Variants in HOMER1 observed in about 807,000 individuals in gnomAD.
HOMER1 encodes the protein homer protein homolog 1.
A neutral mutation model predicts 48.9 loss-of-function variants in HOMER1; 3 were observed. The ratio of observed to expected loss-of-function variants is 0.06; its 90% confidence interval spans 0.03 to 0.16. HOMER1 has a LOEUF of 0.16. Among genes scored for constraint, HOMER1 ranks in the 10% least tolerant of loss-of-function variants. The pLI is 1.00. For missense variants in HOMER1, 247 were observed against 411.4 expected, an observed-to-expected ratio of 0.60 and a Z score of 3.46; for synonymous variants, 134 against 146.4, an observed-to-expected ratio of 0.92 and a Z score of 0.61.
chr5:79,473,806 G>A (rs903813530), intron 1 of HOMER1, among the ~76,000 whole-genome samples: 1 of 152,098 alleles, frequency 6.6e-6, no homozygotes, highest in East Asian at 1.9e-4. Context: ...CCACATCATG[G>A]CAATAATTTT....
At chr5:79,510,492 G>A in intron 1 of HOMER1, 1 of 706,790 alleles carries the variant, frequency 1.4e-6, no homozygotes, top group South Asian at 1.4e-5. Flanking sequence ...CACAGAAATG[G>A]TATCAAGAAA....
At chr5:79,400,742 CT>C (rs1364348232) in intron 6 of HOMER1, among the ~76,000 whole-genome samples, 144 of 123,766 alleles carry the variant, frequency 1.2e-3, no homozygotes, top group African/African-American at 2.4e-3. Context: ...AAAACTTCTT[CT>C]TTTTTTTTTT....
At chr5:79,454,682 C>T (rs1751120704) in intron 2 of HOMER1, among the ~76,000 whole-genome samples, 1 of 152,006 alleles carries the variant, frequency 6.6e-6, no homozygotes, top group Admixed American at 6.6e-5. Context: ...GTGCAAATAG[C>T]GCTTAGGGTC....
intron 5 of HOMER1, among the ~76,000 whole-genome samples, chr5:79,415,801 C>G (rs1749928504): frequency 6.6e-6 from 1 of 152,162 alleles, no homozygotes; most frequent in Admixed American, 6.5e-5. Context: ...TATTAAGAAT[C>G]AATTGCTGTA....
intron 1 of HOMER1, among the ~76,000 whole-genome samples, chr5:79,465,883 G>C (rs1751451536): frequency 6.6e-6 from 1 of 152,064 alleles, no homozygotes; most frequent in Non-Finnish European, 1.5e-5. Flanking sequence ...GTGAGCTACT[G>C]TTTACATTTC....
At chr5:79,433,650 GTA>G (rs1318460597) in intron 5 of HOMER1, among the ~76,000 whole-genome samples, 1 of 152,060 alleles carries the variant, frequency 6.6e-6, no homozygotes, top group Non-Finnish European at 1.5e-5. Context: ...TAAAAATTTT[GTA>G]TTTATTTTGG....
intron 5 of HOMER1, among the ~76,000 whole-genome samples, chr5:79,418,807 A>G (rs1203554415): frequency 6.6e-6 from 1 of 152,210 alleles, no homozygotes; most frequent in African/African-American, 2.4e-5. Flanking sequence ...CACATGTGCT[A>G]TTCCTTTGCT....
intron 8 of HOMER1, among the ~76,000 whole-genome samples, chr5:79,379,539 A>G (rs1168694405): frequency 1.4e-5 from 2 of 142,232 alleles, no homozygotes; most frequent in African/African-American, 2.6e-5. Context: ...TTATATACAT[A>G]TATTCTGACA....
intron 5 of HOMER1, among the ~76,000 whole-genome samples, chr5:79,427,320 T>G (rs1291757098): frequency 6.6e-6 from 1 of 152,212 alleles, no homozygotes; most frequent in Non-Finnish European, 1.5e-5. Flanking sequence ...TTATTCGTAT[T>G]TAATAAGAAC....
intron 1 of HOMER1, among the ~76,000 whole-genome samples, chr5:79,467,873 C>G (rs917748986): frequency 6.6e-6 from 1 of 152,146 alleles, no homozygotes; most frequent in Non-Finnish European, 1.5e-5. Flanking sequence ...ACCTCTCAGG[C>G]TCAAGCGATC....
At chr5:79,431,274 G>C (rs1260306262) in intron 5 of HOMER1, among the ~76,000 whole-genome samples, 2 of 152,168 alleles carry the variant, frequency 1.3e-5, no homozygotes, top group East Asian at 3.8e-4. Context: ...AGTGAGCCAA[G>C]ATTGCACCAC....
intron 1 of HOMER1, among the ~76,000 whole-genome samples, chr5:79,477,653 G>C (rs1751821300): frequency 6.6e-6 from 1 of 152,224 alleles, no homozygotes; most frequent in African/African-American, 2.4e-5. Flanking sequence ...TTCATGTTTG[G>C]ACAAGAGTCT....
intron 5 of HOMER1, among the ~76,000 whole-genome samples, chr5:79,433,760 T>C (rs1486733012): frequency 6.6e-6 from 1 of 152,204 alleles, no homozygotes; most frequent in African/African-American, 2.4e-5. Flanking sequence ...GTCATAGTTT[T>C]AGAGTGTTTC....
chr5:79,471,551 GAAAAAAAAA>G (rs55724615), intron 1 of HOMER1, among the ~76,000 whole-genome samples: 104 of 97,686 alleles, frequency 1.1e-3, no homozygotes, highest in Middle Eastern at 5.6e-3. Context: ...CCATCTCAAA[GAAAAAAAAA>G]AAAAAAAAAA....
chr5:79,391,742 C>CAA (rs959958115), intron 8 of HOMER1, among the ~76,000 whole-genome samples: 47 of 117,784 alleles, frequency 4.0e-4, no homozygotes, highest in Admixed American at 1.2e-3. Context: ...GACTCTGTCT[C>CAA]AAAAAAAAAA....
intron 8 of HOMER1, among the ~76,000 whole-genome samples, chr5:79,387,803 C>G (rs1749155134): frequency 6.6e-6 from 1 of 152,170 alleles, no homozygotes; most frequent in Admixed American, 6.5e-5. Flanking sequence ...ACTGTGTACA[C>G]TGCAATCACA....
intron 7 of HOMER1, 124 bp from the exon 8 acceptor site, chr5:79,397,027 T>C (rs571646778): frequency 4.7e-5 from 28 of 597,308 alleles, no homozygotes; most frequent in African/African-American, 4.0e-4. Context: ...TTCCTTCATA[T>C]TGACTTTTAG....
intron 1 of HOMER1, among the ~76,000 whole-genome samples, chr5:79,481,646 T>C (rs59727016): frequency 0.017 from 2,529 of 152,212 alleles, 62 homozygotes; most frequent in African/African-American, 0.058. Context: ...GTCAAGACAG[T>C]CTAAGTCCAG....
chr5:79,396,784 TC>T (rs1749396991), intron 8 of HOMER1, 38 bp downstream of exon 8: 2 of 1,228,974 alleles, frequency 1.6e-6, no homozygotes, highest in Admixed American at 3.8e-5. Flanking sequence ...ATGATGCCTT[TC>T]TATGCAGAAG....
Sources: allele counts gnomAD v4.1 joint callset (sites outside exome capture counted in the v4.1 genomes callset), GRCh38; gene constraint gnomAD v4.1.1; transcripts MANE v1.5; gene names NCBI Gene and HGNC (gene_info 2026-07-23, HGNC 2026-07-21).